The following PELI2 variants were observed in gnomAD, a reference collection of about 807,000 sequenced individuals.
The protein encoded by PELI2 is E3 ubiquitin-protein ligase pellino homolog 2.
PELI2 carries 23 observed loss-of-function variants against 42.3 expected under a neutral mutation model. The observed-to-expected ratio is 0.54, with a 90% CI of 0.39 to 0.77. PELI2 has a LOEUF of 0.77. Ranked by LOEUF, PELI2 falls within the 30% of genes least tolerant of loss-of-function variation. The pLI is 0.00. For missense variants in PELI2, 463 were observed against 553.2 expected, an observed-to-expected ratio of 0.84 and a Z score of 1.64; for synonymous variants, 245 against 212.2, an observed-to-expected ratio of 1.15 and a Z score of -1.34.
chr14:56,190,383 A>T (rs1275140127), intron 2 of PELI2, among the ~76,000 whole-genome samples: 1 of 152,218 alleles, frequency 6.6e-6, no homozygotes, highest in Admixed American at 6.5e-5. Context: ...AGCATTTTTT[A>T]TTTTAAGAAG....
At chr14:56,120,739 A>G (rs1402628478) in intron 1 of PELI2, among the ~76,000 whole-genome samples, 1 of 152,282 alleles carries the variant, frequency 6.6e-6, no homozygotes, top group South Asian at 2.1e-4. Context: ...ATAAGTGACA[A>G]TTTCAGGTGC....
In PELI2 at chr14:56,138,536, C is replaced by T. The variant is rs142967090; in HGVS notation, c.77+19799C>T. 1.3e-3 allele frequency among the ~76,000 whole-genome samples: 196 copies of T among 151,852 alleles called. 1 individual carries two copies. Among genetic ancestry groups the T allele is most frequent in the African/African-American group, 4.0e-3 (165 of 41,380 alleles). On this transcript the variant is annotated intron_variant, in intron 1 of 5. Transcript: ENST00000267460. The stretch of plus-strand genomic sequence containing the variant: ...TATCTACCTTTATTAGACTATGAAA[C>T]GACAGCTGCTTAATAGGAATATTAT...
intron 1 of PELI2, among the ~76,000 whole-genome samples, chr14:56,154,546 ATCGT>A (rs1884479253): frequency 6.6e-6 from 1 of 152,206 alleles, no homozygotes; most frequent in Non-Finnish European, 1.5e-5. Context: ...TTCAGCAACG[ATCGT>A]TAGTTTCCTG....
chr14:56,149,624 A>G (rs888964876), intron 1 of PELI2, among the ~76,000 whole-genome samples: 1 of 151,832 alleles, frequency 6.6e-6, no homozygotes, highest in African/African-American at 2.4e-5. Flanking sequence ...TTAAAACTAC[A>G]TCACAGTGTG....
intron 1 of PELI2, among the ~76,000 whole-genome samples, chr14:56,173,686 A>G (rs754836578): frequency 5.9e-5 from 9 of 152,058 alleles, no homozygotes; most frequent in Non-Finnish European, 1.2e-4. Flanking sequence ...TGGGGCTCCA[A>G]ATGTTCCTTG....
intron 2 of PELI2, among the ~76,000 whole-genome samples, chr14:56,244,186 A>G (rs1452895412): frequency 6.6e-6 from 1 of 152,216 alleles, no homozygotes; most frequent in African/African-American, 2.4e-5. Flanking sequence ...CATTCATCCT[A>G]GCAAAAGTAG....
At chr14:56,249,982 G>T (rs557623888) in intron 2 of PELI2, among the ~76,000 whole-genome samples, 41 of 152,304 alleles carry the variant, frequency 2.7e-4, no homozygotes, top group African/African-American at 9.4e-4. Flanking sequence ...CAGGGAGCAA[G>T]ATCAGTGCTC....
intron 1 of PELI2, among the ~76,000 whole-genome samples, chr14:56,176,104 C>G (rs1885370614): frequency 6.6e-6 from 1 of 152,168 alleles, no homozygotes; most frequent in Non-Finnish European, 1.5e-5. Flanking sequence ...CCAGTCAGCC[C>G]CAGAGTGGTG....
At chr14:56,215,497 T>G (rs1199471924) in intron 2 of PELI2, among the ~76,000 whole-genome samples, 2 of 152,232 alleles carry the variant, frequency 1.3e-5, no homozygotes, top group Admixed American at 6.5e-5. Context: ...ATTTAGGACT[T>G]ACTTATAGCT....
chr14:56,122,026 C>T (rs1797568639), intron 1 of PELI2, among the ~76,000 whole-genome samples: 1 of 152,120 alleles, frequency 6.6e-6, no homozygotes, highest in Non-Finnish European at 1.5e-5. Context: ...TTGTGTAAAA[C>T]TTTATGTTCC....
At chr14:56,268,908 A>G (rs949784389) in intron 2 of PELI2, among the ~76,000 whole-genome samples, 1 of 152,194 alleles carries the variant, frequency 6.6e-6, no homozygotes, top group Non-Finnish European at 1.5e-5. Flanking sequence ...ACACGGAGTC[A>G]TTGTTGGGAG....
At chr14:56,176,145 A>G (rs1327758197) in intron 1 of PELI2, among the ~76,000 whole-genome samples, 9 of 152,228 alleles carry the variant, frequency 5.9e-5, no homozygotes. Context: ...ATTTCATTCA[A>G]ACGTGGTGCT....
intron 2 of PELI2, among the ~76,000 whole-genome samples, chr14:56,230,795 C>T (rs1198014995): frequency 3.3e-5 from 5 of 152,184 alleles, no homozygotes; most frequent in Admixed American, 6.5e-5. Flanking sequence ...AATTAAAAGA[C>T]ACAGACTGGC....
intron 1 of PELI2, among the ~76,000 whole-genome samples, chr14:56,120,996 T>G (rs1182619311): frequency 6.6e-6 from 1 of 152,230 alleles, no homozygotes; most frequent in Non-Finnish European, 1.5e-5. Context: ...GGAAGATTTT[T>G]AGAGAGAACC....
chr14:56,202,157 T>G (rs1297270361), intron 2 of PELI2, among the ~76,000 whole-genome samples: 1 of 152,082 alleles, frequency 6.6e-6, no homozygotes, highest in Admixed American at 6.6e-5. Context: ...ATAGAAGGTA[T>G]TTGTTGTTGT....
At chr14:56,147,949 A>G (rs890634386) in intron 1 of PELI2, among the ~76,000 whole-genome samples, 1 of 152,246 alleles carries the variant, frequency 6.6e-6, no homozygotes, top group South Asian at 2.1e-4. Flanking sequence ...ACCTGGGAAC[A>G]GTTCAGTTTA....
chr14:56,172,126 G>A (rs1269519184), intron 1 of PELI2, among the ~76,000 whole-genome samples: 3 of 152,240 alleles, frequency 2.0e-5, no homozygotes, highest in Admixed American at 2.0e-4. Context: ...CCCAAACTTA[G>A]TGGCTTAAAA....
Position 56,300,546 on chromosome 14 carries a change from A to G in PELI2, c.*3380A>G, listed in dbSNP as rs1230226853. ...GTTTTCTGCTTAATTGAAGTGTAATATAGGTTGTAGAATTGTTACCTGCAG... is the reference window on the plus strand; with the variant it reads ...GTTTTCTGCTTAATTGAAGTGTAATGTAGGTTGTAGAATTGTTACCTGCAG... On this transcript the variant is annotated 3_prime_UTR_variant, in exon 6 of 6. Transcript: ENST00000267460. 1.3e-5 allele frequency: 2 copies of G among 151,682 alleles called. No individual in the cohort carries two copies. The highest frequency in any genetic ancestry group is 2.9e-5 in the Non-Finnish European group (2 of 68,008). 9.4% of individuals were successfully genotyped at this position (151,682 alleles called of 1,614,324 possible).
intron 2 of PELI2, among the ~76,000 whole-genome samples, chr14:56,269,320 G>A (rs181426672): frequency 2.0e-5 from 3 of 152,136 alleles, no homozygotes; most frequent in Admixed American, 1.3e-4. Context: ...GTGTGCGCCT[G>A]TGGTCCCAGC....
Sources: gnomAD v4.1 joint callset for allele counts (sites outside exome capture counted in the v4.1 genomes callset) on GRCh38, gnomAD v4.1.1 for gene constraint, MANE v1.5 for transcripts, NCBI Gene and HGNC (gene_info 2026-07-23, HGNC 2026-07-21) for gene names.